ABCA13: variants seen among roughly 807,000 people sequenced by gnomAD.
ABCA13 encodes ATP-binding cassette sub-family A member 13.
Under a neutral mutation model 478.7 loss-of-function variants are expected in ABCA13, and 476 were observed. The observed-to-expected ratio is 0.99, with a 90% CI of 0.92 to 1.07. ABCA13 has a LOEUF of 1.07. Ranked by LOEUF, ABCA13 falls within the 50% of genes least tolerant of loss-of-function variation. The pLI is 0.00. For synonymous variants in ABCA13, 2,252 were observed against 2,158.9 expected (o/e 1.04, Z -1.20); for missense variants, 6,060 against 5,910.6 (o/e 1.03, Z -0.83).
intron 47 of ABCA13, among the ~76,000 whole-genome samples, chr7:48,486,690 A>G (rs977246747): frequency 2.0e-5 from 3 of 152,192 alleles, no homozygotes; most frequent in African/African-American, 7.2e-5. Flanking sequence ...GGCCTCCACA[A>G]TGGATGTTCA....
At chr7:48,557,877 A>G (rs1047962548) in intron 55 of ABCA13, among the ~76,000 whole-genome samples, 2 of 152,116 alleles carry the variant, frequency 1.3e-5, no homozygotes, top group East Asian at 1.9e-4. Flanking sequence ...ATCCCTTTGA[A>G]TAAACTTCCT....
intron 38 of ABCA13, among the ~76,000 whole-genome samples, chr7:48,401,748 C>CACACACACACACAG (rs1817639978): frequency 6.6e-6 from 1 of 151,164 alleles, no homozygotes; most frequent in South Asian, 2.1e-4. Context: ...TTTTAAAACA[C>CACACACACACACAG]ACACACACAC....
chr7:48,539,737 T>C (rs1833835579), intron 55 of ABCA13, among the ~76,000 whole-genome samples: 1 of 152,316 alleles, frequency 6.6e-6, no homozygotes, highest in South Asian at 2.1e-4. Context: ...ATACTAGAAA[T>C]AATAACTCAA....
chr7:48,225,992 G>A (rs1157499199), intron 5 of ABCA13, among the ~76,000 whole-genome samples: 2 of 152,148 alleles, frequency 1.3e-5, no homozygotes, highest in Non-Finnish European at 2.9e-5. Context: ...CCAGGGGCAC[G>A]AGGGCAATGG....
intron 59 of ABCA13, chr7:48,627,047 T>C: frequency 1.0e-6 from 1 of 985,384 alleles, no homozygotes. Flanking sequence ...CTCAGATTCA[T>C]GTTGCTGCAT....
chr7:48,333,546 A>AGC (rs1805741017), intron 27 of ABCA13, among the ~76,000 whole-genome samples: 2 of 152,212 alleles, frequency 1.3e-5, no homozygotes, highest in East Asian at 3.9e-4. Flanking sequence ...AAGCAATATA[A>AGC]TAGGAGACTT....
intron 53 of ABCA13, among the ~76,000 whole-genome samples, chr7:48,521,885 T>C (rs1220731533): frequency 1.3e-5 from 2 of 152,190 alleles, no homozygotes; most frequent in African/African-American, 4.8e-5. Context: ...ACTGTCATAA[T>C]GACTGCATGA....
intron 56 of ABCA13, among the ~76,000 whole-genome samples, chr7:48,583,499 C>G (rs571314925): frequency 6.6e-6 from 1 of 152,120 alleles, no homozygotes; most frequent in African/African-American, 2.4e-5. Context: ...TATTTTGGCT[C>G]CAGTGATGTT....
intron 58 of ABCA13, among the ~76,000 whole-genome samples, chr7:48,598,041 T>G (rs949750698): frequency 3.3e-5 from 5 of 152,194 alleles, no homozygotes; most frequent in African/African-American, 7.2e-5. Context: ...AATCCACCAT[T>G]ATAGTATCAG....
chr7:48,645,517 T>C lies in ABCA13; in HGVS notation c.*5T>C. The C allele has an allele frequency of 6.4e-7, 1 of 1,570,054 alleles. No individual in the cohort carries two copies. Among genetic ancestry groups the C allele is most frequent in the Non-Finnish European group, 8.7e-7 (1 of 1,155,394 alleles). ...ACACATCACTTGCCCATCTGAGCAC[T>C]AAAGAAGTTTCCATAAGGAATAAAA... On this transcript the variant is annotated 3_prime_UTR_variant, in exon 62 of 62. Transcript: ENST00000435803.
At chr7:48,225,109 G>GCCTGCCTGCC in intron 5 of ABCA13, among the ~76,000 whole-genome samples, 1 of 113,664 alleles carries the variant, frequency 8.8e-6, no homozygotes, top group Admixed American at 9.2e-5. Flanking sequence ...CCATGCGTGC[G>GCCTGCCTGCC]TGCCTGCCTG....
chr7:48,180,687 A>C (rs1221847413), intron 1 of ABCA13, among the ~76,000 whole-genome samples: 1 of 152,098 alleles, frequency 6.6e-6, no homozygotes, highest in Non-Finnish European at 1.5e-5. Flanking sequence ...TCGGCCTCCC[A>C]AAGTGTTGGG....
intron 15 of ABCA13, among the ~76,000 whole-genome samples, chr7:48,264,846 C>A (rs13244649): frequency 0.27 from 40,955 of 151,326 alleles, 6,257 homozygotes; most frequent in Non-Finnish European, 0.36. Flanking sequence ...AGCTAAGAAA[C>A]CTTTGCTAAC....
chr7:48,539,639 T>G (rs952587543), intron 55 of ABCA13, among the ~76,000 whole-genome samples: 1 of 152,224 alleles, frequency 6.6e-6, no homozygotes, highest in Non-Finnish European at 1.5e-5. Flanking sequence ...ATCACAAGTG[T>G]CACTTTGTGC....
At chr7:48,283,365 T>C (rs2128788655) in intron 19 of ABCA13, among the ~76,000 whole-genome samples, 1 of 152,222 alleles carries the variant, frequency 6.6e-6, no homozygotes, top group East Asian at 1.9e-4. Context: ...TATTGATAAG[T>C]GCTAGAAAGA....
chr7:48,391,724 A>G (rs1280223825), intron 37 of ABCA13, among the ~76,000 whole-genome samples, 197 bp from the exon 38 acceptor site: 2 of 152,188 alleles, frequency 1.3e-5, no homozygotes, highest in African/African-American at 4.8e-5. Context: ...ATAACATGTT[A>G]AACTCACATT....
chr7:48,231,818 C>T (rs556360864), intron 7 of ABCA13, among the ~76,000 whole-genome samples: 2 of 152,230 alleles, frequency 1.3e-5, no homozygotes, highest in South Asian at 2.1e-4. Context: ...TGCATCACCA[C>T]GCCTGGCTAA....
intron 16 of ABCA13, 61 bp from the exon 17 acceptor site, chr7:48,271,726 A>C: frequency 9.3e-7 from 1 of 1,075,490 alleles, no homozygotes; most frequent in Non-Finnish European, 1.2e-6. Flanking sequence ...TTAACTTGGA[A>C]ATTTGATAAA....
At position 48,606,299 on chromosome 7, in the gene ABCA13, G is replaced by GT. The variant is rs1414967188; in HGVS notation, c.14745-8981dup. Among the ~76,000 whole-genome samples, 20 of 152,102 alleles carry GT rather than the reference G, an allele frequency of 1.3e-4. 1 individual carries two copies. Among genetic ancestry groups the GT allele is most frequent in the Admixed American group, 1.3e-3 (20 of 15,272 alleles). ...CCTTTGGAGGAGAAGAGGTGTTCTG[G>GT]TTTTTGGAATTTTCAAGCCTTTTTG... On this transcript the variant is annotated intron_variant, in intron 58 of 61. Coordinates refer to ENST00000435803, the MANE Select transcript of ABCA13 (RefSeq NM_152701.5).
Sources: gnomAD v4.1 joint callset for allele counts (sites outside exome capture counted in the v4.1 genomes callset) on GRCh38, gnomAD v4.1.1 for gene constraint, MANE v1.5 for transcripts, NCBI Gene and HGNC (gene_info 2026-07-23, HGNC 2026-07-21) for gene names.